PCDH9: variants seen among roughly 807,000 people sequenced by gnomAD.
The protein encoded by PCDH9 is protocadherin-9.
In PCDH9, 24 loss-of-function variants were observed where a neutral mutation model predicts 70.6. That is an observed-to-expected ratio of 0.34 (90% CI 0.25 to 0.48). The LOEUF (loss-of-function observed/expected upper bound fraction) is 0.48, where lower values mean the gene tolerates loss of function less well. Among genes scored for constraint, PCDH9 ranks in the 20% least tolerant of loss-of-function variants. PCDH9 has a pLI of 0.99. For synonymous variants in PCDH9, 562 were observed against 558.5 expected, an observed-to-expected ratio of 1.01 and a Z score of -0.09; for missense variants, 1,281 against 1,503.6, an observed-to-expected ratio of 0.85 and a Z score of 2.45.
intron 3 of PCDH9, among the ~76,000 whole-genome samples, chr13:66,897,120 A>T (rs979728688): frequency 6.6e-6 from 1 of 152,126 alleles, no homozygotes; most frequent in African/African-American, 2.4e-5. Flanking sequence ...TATCTGAAAC[A>T]CAAAGAACCA....
chr13:66,771,972 A>G lies in PCDH9; in HGVS notation c.3138+131532T>C, dbSNP rs79324157. Among the ~76,000 whole-genome samples, 1,264 of 152,296 alleles carry G rather than the reference A, an allele frequency of 8.3e-3. 16 individuals are homozygous for G. The highest frequency in any genetic ancestry group is 0.029 in the African/African-American group (1,186 of 41,560). On this transcript the variant is annotated intron_variant, in intron 3 of 4. Transcript: ENST00000377865. ...GAACAACAACAAGCTCAAACGTAAT[A>G]CATTTCTTTTCTATTTTTAGCAGAC... is the stretch of plus-strand genomic sequence containing the variant.
chr13:67,154,640 AC>A, intron 2 of PCDH9, among the ~76,000 whole-genome samples: 4 of 133,974 alleles, frequency 3.0e-5, no homozygotes, highest in Non-Finnish European at 6.7e-5. Context: ...ACACACACAC[AC>A]ACACATACAA....
intron 3 of PCDH9, among the ~76,000 whole-genome samples, chr13:66,822,344 C>T (rs201780724): frequency 6.6e-6 from 1 of 151,806 alleles, no homozygotes; most frequent in Non-Finnish European, 1.5e-5. Context: ...AAAATGAACA[C>T]GTTTTATGGA....
At chr13:66,784,032 T>C (rs2080040760) in intron 3 of PCDH9, among the ~76,000 whole-genome samples, 1 of 152,170 alleles carries the variant, frequency 6.6e-6, no homozygotes, top group Admixed American at 6.6e-5. Context: ...AGTTAGATTA[T>C]ACATCAACTT....
intron 4 of PCDH9, among the ~76,000 whole-genome samples, chr13:66,365,548 C>A (rs188728259): frequency 2.6e-5 from 4 of 152,274 alleles, no homozygotes; most frequent in Admixed American, 2.6e-4. Flanking sequence ...AAATGTGTGA[C>A]TGCTGTGTTA....
chr13:67,072,442 C>T (rs943922219), intron 2 of PCDH9, among the ~76,000 whole-genome samples: 1 of 152,118 alleles, frequency 6.6e-6, no homozygotes, highest in East Asian at 1.9e-4. Context: ...GCATGACTAT[C>T]CTTAAAAACA....
At chr13:67,083,651 G>C (rs567291110) in intron 2 of PCDH9, among the ~76,000 whole-genome samples, 28 of 152,220 alleles carry the variant, frequency 1.8e-4, no homozygotes, top group Middle Eastern at 3.4e-3. Context: ...AGAAAAACGA[G>C]CTCAGAGCCT....
intron 2 of PCDH9, among the ~76,000 whole-genome samples, chr13:67,016,399 T>G (rs2084561622): frequency 6.6e-6 from 1 of 152,182 alleles, no homozygotes; most frequent in Non-Finnish European, 1.5e-5. Flanking sequence ...AATGAGATAA[T>G]GTCCGTAAAA....
chr13:66,681,920 T>C (rs1322342370), intron 3 of PCDH9, among the ~76,000 whole-genome samples: 1 of 143,456 alleles, frequency 7.0e-6, no homozygotes, highest in African/African-American at 2.7e-5. Context: ...TTTAGTAGGA[T>C]ACATCTGGGT....
intron 4 of PCDH9, among the ~76,000 whole-genome samples, chr13:66,490,869 CTTAG>C (rs1959022510): frequency 6.6e-6 from 1 of 152,012 alleles, no homozygotes; most frequent in Admixed American, 6.6e-5. Context: ...AATGTATTTC[CTTAG>C]TTAGAACTTT....
chr13:66,933,892 CAAAA>C (rs10570715), intron 2 of PCDH9, among the ~76,000 whole-genome samples: 5 of 101,298 alleles, frequency 4.9e-5, no homozygotes, highest in Admixed American at 9.8e-5. Flanking sequence ...ATAAGCTAGG[CAAAA>C]AAAAAAAAAA....
In PCDH9 at chr13:66,437,404, C is replaced by CAAAAAAAAAAAAAAAAAAAAAAAAAAAAA. The variant is rs66796123; in HGVS notation, c.3341-132377_3341-132376insTTTTTTTTTTTTTTTTTTTTTTTTTTTTT. Reference sequence around the variant, plus strand: ...TGGGTGACAGAGCAAGACTCTGTCTCAAAAAAAAAAAAAAAAAAAAAAGGA... The same window carrying CAAAAAAAAAAAAAAAAAAAAAAAAAAAAA: ...TGGGTGACAGAGCAAGACTCTGTCTCAAAAAAAAAAAAAAAAAAAAAAAAAAAAAAAAAAAAAAAAAAAAAAAAAAAGGA... On this transcript the variant is annotated intron_variant, in intron 4 of 4. Coordinates refer to ENST00000377865, the MANE Select transcript of PCDH9 (RefSeq NM_203487.3). 4.4e-5 allele frequency among the ~76,000 whole-genome samples: 2 copies of CAAAAAAAAAAAAAAAAAAAAAAAAAAAAA among 45,600 alleles called. 1 individual carries two copies. Among genetic ancestry groups the CAAAAAAAAAAAAAAAAAAAAAAAAAAAAA allele is most frequent in the Admixed American group, 9.0e-4 (2 of 2,214 alleles). 29.9% of individuals were successfully genotyped at this position (45,600 alleles called of 152,430 possible).
chr13:66,395,900 A>G (rs2138280817), intron 4 of PCDH9, among the ~76,000 whole-genome samples: 1 of 152,290 alleles, frequency 6.6e-6, no homozygotes, highest in East Asian at 1.9e-4. Context: ...TGTGATTTCT[A>G]AAGTTCCTAC....
At chr13:66,759,408 T>A (rs1249705253) in intron 3 of PCDH9, among the ~76,000 whole-genome samples, 2 of 152,116 alleles carry the variant, frequency 1.3e-5, no homozygotes, top group Non-Finnish European at 2.9e-5. Flanking sequence ...TTTGGCAGCA[T>A]ATGGTTAAAT....
intron 4 of PCDH9, among the ~76,000 whole-genome samples, chr13:66,444,814 G>A (rs1025813659): frequency 2.6e-5 from 4 of 151,900 alleles, no homozygotes; most frequent in African/African-American, 9.7e-5. Context: ...GCCTTCCCCG[G>A]CCTCCCAAAG....
intron 2 of PCDH9, among the ~76,000 whole-genome samples, chr13:66,913,870 G>A (rs560636554): frequency 6.6e-6 from 1 of 151,918 alleles, no homozygotes; most frequent in South Asian, 2.1e-4. Context: ...ACTAAATTAT[G>A]ATTTTTAACT....
At chr13:66,708,404 T>G (rs2078744995) in intron 3 of PCDH9, among the ~76,000 whole-genome samples, 1 of 16,884 alleles carries the variant, frequency 5.9e-5, no homozygotes, top group African/African-American at 1.0e-4. Flanking sequence ...TGAGATTTAG[T>G]TTTTTTTTTT....
intron 4 of PCDH9, among the ~76,000 whole-genome samples, chr13:66,378,971 T>C (rs1956795281): frequency 6.6e-6 from 1 of 152,208 alleles, no homozygotes. Flanking sequence ...CTGGCCTTTG[T>C]CTCTCAAGGG....
At chr13:66,795,830 T>C (rs952072767) in intron 3 of PCDH9, among the ~76,000 whole-genome samples, 2 of 152,184 alleles carry the variant, frequency 1.3e-5, no homozygotes, top group African/African-American at 4.8e-5. Context: ...ACAGCATCTC[T>C]TTGTTACTAC....
Sources: gnomAD v4.1 joint callset for allele counts (sites outside exome capture counted in the v4.1 genomes callset) on GRCh38, gnomAD v4.1.1 for gene constraint, MANE v1.5 for transcripts, NCBI Gene and HGNC (gene_info 2026-07-23, HGNC 2026-07-21) for gene names.